JAK2: variants seen among roughly 807,000 people sequenced by gnomAD.
The protein encoded by JAK2 is tyrosine-protein kinase JAK2.
In JAK2, 86 loss-of-function variants were observed where a neutral mutation model predicts 139.3. The observed-to-expected ratio is 0.62, with a 90% confidence interval of 0.52 to 0.74. The LOEUF (loss-of-function observed/expected upper bound fraction) is 0.74. Ranked by LOEUF, JAK2 falls within the 30% of genes least tolerant of loss-of-function variation. The pLI is 0.00. For synonymous variants in JAK2, 490 were observed against 437.7 expected (o/e 1.12, Z -1.49); for missense variants, 1,421 against 1,360.3 (o/e 1.04, Z -0.70).
chr9:5,093,871 G>A (rs1205458219), intron 22 of JAK2, among the ~76,000 whole-genome samples: 1 of 152,082 alleles, frequency 6.6e-6, no homozygotes, highest in African/African-American at 2.4e-5. Context: ...TCTGATTTCA[G>A]ACCAGAGTAA....
At position 5,126,411 on chromosome 9, in the gene JAK2, G is replaced by A. The variant is rs1824001435; in HGVS notation, c.3256G>A (p.Gly1086Arg). Residue 1086 changes from glycine (G) to arginine (R), a missense_variant, in exon 24 of 25, where the codon GGA becomes AGA. Physicochemically the swap from Gly to Arg is moderately radical, Grantham distance 125 (BLOSUM62 -2). Transcript: ENST00000381652. ...TTTGATAGAACTTTTGAAGAATAAT[G>A]GAAGATTACCAAGACCAGATGGATG... ...FHLIELLKNNGRLPRPDGCPD... is the reference protein window; with the variant it reads ...FHLIELLKNNRRLPRPDGCPD... 6.2e-7 allele frequency: 1 copy of A among 1,610,218 alleles called. No individual in the cohort carries two copies. Among genetic ancestry groups the A allele is most frequent in the African/African-American group, 1.3e-5 (1 of 74,680 alleles).
intron 8 of JAK2, 61 bp from the exon 9 acceptor site, chr9:5,064,822 A>C: frequency 7.8e-7 from 1 of 1,288,572 alleles, no homozygotes; most frequent in Non-Finnish European, 1.0e-6. Context: ...GAAAATTTTC[A>C]ATATTTAACA....
At chr9:5,044,361 G>C (rs1288755260) in intron 4 of JAK2, 42 bp from the exon 5 acceptor site, 7 of 1,236,006 alleles carry the variant, frequency 5.7e-6, no homozygotes, top group Non-Finnish European at 7.2e-6. Flanking sequence ...GTTTGTATTT[G>C]AACTATTTGG....
intron 6 of JAK2, 132 bp downstream of exon 6, chr9:5,050,963 G>A (rs1245956699): frequency 3.8e-6 from 3 of 788,686 alleles, no homozygotes; most frequent in African/African-American, 1.8e-5. Flanking sequence ...TAAAATGCTT[G>A]GAATCAGAAA....
intron 22 of JAK2, among the ~76,000 whole-genome samples, chr9:5,117,016 A>T (rs1056464004): frequency 6.6e-6 from 1 of 152,212 alleles, no homozygotes; most frequent in African/African-American, 2.4e-5. Flanking sequence ...TAAGGCCCTT[A>T]TAAGAGGCTT....
Position 5,126,459 on chromosome 9 carries a change from T to G in JAK2, c.3291+13T>G. ...ATGCCCAGATGAGGTAACAATTTTT[T>G]TTTAATCCAGGGTAGTCATGCATTT... is the stretch of plus-strand genomic sequence containing the variant. On this transcript the variant is annotated intron_variant, in intron 24 of 24. Transcript: ENST00000381652. 6.4e-7 allele frequency: 1 copy of G among 1,552,082 alleles called. No homozygotes were observed. The highest frequency in any genetic ancestry group is 8.8e-7 in the Non-Finnish European group (1 of 1,130,032).
At position 5,112,433 on chromosome 9, in the gene JAK2, C is replaced by A. The variant is rs549475926; in HGVS notation, c.3060-10571C>A. 8 of 516,464 alleles carry A rather than the reference C, an allele frequency of 1.5e-5. No homozygotes were observed. The African/African-American group carries it at 1.6e-4, about 10-fold the overall frequency. The allele number at this position is 516,464 out of a possible 1,614,324, so 32.0% of individuals were successfully genotyped here. The stretch of plus-strand genomic sequence containing the variant: ...AGGAGAACACGTCGGCGGCTGACCA[C>A]TCAAGAGGAGAAGAAGGAGCTGAAG... On this transcript the variant is annotated intron_variant, in intron 22 of 24. Transcript: ENST00000381652.
chr9:4,987,181 C>T (rs1819993791), intron 2 of JAK2, among the ~76,000 whole-genome samples: 1 of 152,146 alleles, frequency 6.6e-6, no homozygotes, highest in Non-Finnish European at 1.5e-5. Flanking sequence ...CAGAAGAGCA[C>T]ACCATGCTTG....
rs139964957 is a variant in JAK2, at chr9:5,128,080, T to TTGTGTGTG, written c.*1323_*1330dup. On this transcript the variant is annotated 3_prime_UTR_variant, in exon 25 of 25. Coordinates refer to ENST00000381652, the MANE Select transcript of JAK2 (RefSeq NM_004972.4). ...TAGCTAAAATAAAATATGGTGGGTT[T>TTGTGTGTG]TGTGTGTGTGTGTGTGTGTGTGTGT... is the stretch of plus-strand genomic sequence containing the variant. The TTGTGTGTG allele has an allele frequency of 1.5e-3, 347 of 224,714 alleles. 1 individual carries two copies. The highest frequency in any genetic ancestry group is 6.5e-3 in the African/African-American group (282 of 43,238). 13.9% of individuals were successfully genotyped at this position (224,714 alleles called of 1,614,324 possible). A position where few individuals can be genotyped will look rare whatever the true frequency, so the allele number is the denominator to read the frequency against.
chr9:5,010,287 C>G (rs1386818241), intron 2 of JAK2, among the ~76,000 whole-genome samples: 2 of 151,966 alleles, frequency 1.3e-5, no homozygotes, highest in Non-Finnish European at 2.9e-5. Context: ...TTAAGCCCTA[C>G]CATACACCGT....
chr9:5,102,601 A>G (rs1267223379), intron 22 of JAK2, among the ~76,000 whole-genome samples: 7 of 152,172 alleles, frequency 4.6e-5, no homozygotes, highest in Non-Finnish European at 5.9e-5. Flanking sequence ...CATATTCACC[A>G]AGGTTGAAAT....
chr9:5,056,434 T>A (rs192825122), intron 8 of JAK2, among the ~76,000 whole-genome samples: 82 of 152,198 alleles, frequency 5.4e-4, no homozygotes, highest in African/African-American at 1.9e-3. Context: ...CCTATTAATG[T>A]TATTTGTCTA....
At chr9:4,991,787 A>G (rs926916756) in intron 2 of JAK2, among the ~76,000 whole-genome samples, 12 of 148,678 alleles carry the variant, frequency 8.1e-5, no homozygotes, top group Non-Finnish European at 1.5e-4. Context: ...TAATGAATGA[A>G]TTGTTTAGCA....
chr9:4,988,152 C>A (rs1172188135), intron 2 of JAK2, among the ~76,000 whole-genome samples: 1 of 152,118 alleles, frequency 6.6e-6, no homozygotes, highest in Non-Finnish European at 1.5e-5. Flanking sequence ...CATTACATTT[C>A]CCACCCTTCC....
chr9:5,045,199 T>C (rs1444202201), intron 5 of JAK2, among the ~76,000 whole-genome samples: 1 of 152,176 alleles, frequency 6.6e-6, no homozygotes, highest in African/African-American at 2.4e-5. Flanking sequence ...AATATATTAG[T>C]GCTCTTGGGT....
intron 19 of JAK2, among the ~76,000 whole-genome samples, chr9:5,083,842 A>T (rs1038579088): frequency 3.9e-5 from 6 of 152,190 alleles, no homozygotes; most frequent in African/African-American, 1.4e-4. Flanking sequence ...AAATATTACA[A>T]TGAAGATACG....
chr9:5,076,337 A>G (rs1202721007), intron 14 of JAK2, among the ~76,000 whole-genome samples: 1 of 152,172 alleles, frequency 6.6e-6, no homozygotes, highest in East Asian at 1.9e-4. Context: ...CATGAAAGGA[A>G]GAGTCTGCAG....
chr9:5,121,055 G>A lies in JAK2; in HGVS notation c.3060-1949G>A, dbSNP rs542794372. Among the ~76,000 whole-genome samples, 4 of 152,214 alleles carry A rather than the reference G, an allele frequency of 2.6e-5. 1 individual carries two copies. In the South Asian group the frequency reaches 8.3e-4, roughly 32 times the overall value. On this transcript the variant is annotated intron_variant, in intron 22 of 24. Transcript: ENST00000381652. ...AAGGGAAAGTTTTTAACCAAGAGAGGAATAAATCTGATGAAGAGACCCTGG... is the reference window on the plus strand; with the variant it reads ...AAGGGAAAGTTTTTAACCAAGAGAGAAATAAATCTGATGAAGAGACCCTGG...
chr9:5,047,828 T>G (rs780486768), intron 5 of JAK2, among the ~76,000 whole-genome samples: 1 of 152,092 alleles, frequency 6.6e-6, no homozygotes, highest in Non-Finnish European at 1.5e-5. Flanking sequence ...TTCAAACACC[T>G]GGCTTCAAAT....
Sources: allele counts gnomAD v4.1 joint callset (sites outside exome capture counted in the v4.1 genomes callset), GRCh38; gene constraint gnomAD v4.1.1; transcripts MANE v1.5; gene names NCBI Gene and HGNC (gene_info 2026-07-23, HGNC 2026-07-21).